EHMT1: variants seen among roughly 807,000 people sequenced by gnomAD.
The protein encoded by EHMT1 is euchromatic histone lysine methyltransferase 1.
In EHMT1, 15 loss-of-function variants were observed where a neutral mutation model predicts 147.2. The ratio of observed to expected loss-of-function variants is 0.10; its 90% CI spans 0.07 to 0.16. The LOEUF is 0.16. Ranked by LOEUF, EHMT1 falls within the 10% of genes least tolerant of loss-of-function variation. The probability of loss-of-function intolerance (pLI) is 1.00; values close to 1 mark genes in which losing one functional copy is unlikely to be tolerated. For missense variants in EHMT1, 1,587 were observed against 1,772.4 expected, an observed-to-expected ratio of 0.90 and a Z score of 1.88; for synonymous variants, 795 against 709.6, an observed-to-expected ratio of 1.12 and a Z score of -1.91.
chr9:137,833,655 C>G (rs1333342564), intron 25 of EHMT1, among the ~76,000 whole-genome samples: 1 of 152,262 alleles, frequency 6.6e-6, no homozygotes, highest in East Asian at 1.9e-4. Flanking sequence ...TCATCACAGG[C>G]CAGTGCCAGG....
chr9:137,751,809 A>G (rs1338578574), intron 6 of EHMT1, among the ~76,000 whole-genome samples: 1 of 152,160 alleles, frequency 6.6e-6, no homozygotes, highest in Non-Finnish European at 1.5e-5. Flanking sequence ...GTCTGCCTGG[A>G]TGTTCACTGG....
chr9:137,682,730 C>G (rs908915330), intron 1 of EHMT1, among the ~76,000 whole-genome samples: 1 of 152,210 alleles, frequency 6.6e-6, no homozygotes, highest in Admixed American at 6.5e-5. Flanking sequence ...GGGGTCATAT[C>G]CAACCCCCTG....
At chr9:137,795,427 A>ACACT (rs1281685652) in intron 16 of EHMT1, among the ~76,000 whole-genome samples, 1 of 12,144 alleles carries the variant, frequency 8.2e-5, no homozygotes, top group African/African-American at 2.4e-4. Context: ...ACACACACAC[A>ACACT]CTCTCACACT....
intron 1 of EHMT1, among the ~76,000 whole-genome samples, chr9:137,627,113 C>G (rs994560856): frequency 4.6e-5 from 7 of 152,142 alleles, no homozygotes; most frequent in African/African-American, 1.7e-4. Flanking sequence ...CGTGCGCCAC[C>G]ACGCTCGGCT....
chr9:137,737,194 A>G (rs866620379), intron 4 of EHMT1, among the ~76,000 whole-genome samples: 2 of 152,364 alleles, frequency 1.3e-5, no homozygotes, highest in Middle Eastern at 3.4e-3. Flanking sequence ...CCTAGGTGAC[A>G]GAGTGAGACA....
At position 137,729,709 on chromosome 9, in the gene EHMT1, C is replaced by G. The variant is rs556921329; in HGVS notation, c.823+1180C>G. Among the ~76,000 whole-genome samples the G allele has an allele frequency of 1.1e-4, 16 of 152,172 alleles. No homozygotes were observed. The South Asian group carries it at 3.3e-3, about 32-fold the overall frequency. ...CCACATGGCACAATCTCGCCCCCGG[C>G]CCCCCCATGTATTACTTTTTTTTCT... On this transcript the variant is annotated intron_variant, in intron 4 of 26. Transcript: ENST00000460843.
At chr9:137,718,740 CTCTTTTTCTTTT>C (rs566131576) in intron 3 of EHMT1, among the ~76,000 whole-genome samples, 8 of 149,300 alleles carry the variant, frequency 5.4e-5, no homozygotes, top group African/African-American at 7.6e-5. Context: ...TTAGTTCTCT[CTCTTTTTCTTTT>C]TCTTTTTCTT....
chr9:137,743,213 A>C, intron 4 of EHMT1, 158 bp from the exon 5 acceptor site: 1 of 760,852 alleles, frequency 1.3e-6, no homozygotes, highest in Non-Finnish European at 2.1e-6. Flanking sequence ...GATGCCTGTC[A>C]CTGTGCTGAT....
chr9:137,776,742 A>AGGT lies in EHMT1; in HGVS notation c.1918_1920dup (p.Val640dup), dbSNP rs762169757. On this transcript the variant is annotated inframe_insertion, in exon 12 of 27. Transcript: ENST00000460843. The surrounding 1 kb of genome is among the most constrained non-coding windows in gnomAD (Gnocchi z 4.4). ...GGGGAGGAGAGCTCCAAGGCCAAAG[A>AGGT]GGTGACGATAGCTAAAGCAGACACC... 1 of 1,614,044 alleles carries AGGT rather than the reference A, an allele frequency of 6.2e-7. No individual in the cohort carries two copies. Among genetic ancestry groups the AGGT allele is most frequent in the South Asian group, 1.1e-5 (1 of 91,068 alleles).
chr9:137,665,441 C>T (rs1939530473), intron 1 of EHMT1, among the ~76,000 whole-genome samples: 1 of 152,288 alleles, frequency 6.6e-6, no homozygotes, highest in East Asian at 1.9e-4. Context: ...CCCTGAGACC[C>T]AGCCCTGGTA....
chr9:137,774,078 C>T (rs899120690), intron 10 of EHMT1, among the ~76,000 whole-genome samples: 17 of 152,202 alleles, frequency 1.1e-4, no homozygotes, highest in Non-Finnish European at 2.1e-4. Context: ...CTGCTCCTTG[C>T]CTTGTGTGCA....
chr9:137,797,516 CT>C (rs1299433164), intron 16 of EHMT1, among the ~76,000 whole-genome samples: 2 of 152,342 alleles, frequency 1.3e-5, no homozygotes, highest in South Asian at 2.1e-4. Flanking sequence ...CTGTGACAGT[CT>C]GCCAGCAGTT....
At chr9:137,675,779 ATT>A (rs781380107) in intron 1 of EHMT1, among the ~76,000 whole-genome samples, 14 of 95,734 alleles carry the variant, frequency 1.5e-4, no homozygotes, top group Admixed American at 4.9e-4. Context: ...CGCCCGGCTA[ATT>A]TTTTTTTTTT....
chr9:137,812,994 T>C lies in EHMT1; in HGVS notation c.2868-12T>C. 1 of 1,614,050 alleles carries C rather than the reference T, an allele frequency of 6.2e-7. No homozygotes were observed. The highest frequency in any genetic ancestry group is 1.1e-5 in the South Asian group (1 of 91,082). ...CTTTAAATGTTTTGTGGCCTTACATTTTCCCTTTTAGCCTCTTTCTTTCTC... is the reference window on the plus strand; with the variant it reads ...CTTTAAATGTTTTGTGGCCTTACATCTTCCCTTTTAGCCTCTTTCTTTCTC... On this transcript the variant is annotated splice_polypyrimidine_tract_variant and intron_variant, in intron 19 of 26. Coordinates refer to ENST00000460843, the MANE Select transcript of EHMT1 (RefSeq NM_024757.5).
At chr9:137,754,059 A>C in intron 7 of EHMT1, 112 bp from the exon 8 acceptor site, 1 of 1,552,132 alleles carries the variant, frequency 6.4e-7, no homozygotes, top group Non-Finnish European at 8.9e-7. Flanking sequence ...CGTTTAATTG[A>C]AGATCAAGAC....
chr9:137,817,916 TG>T, intron 24 of EHMT1, 143 bp from the exon 25 acceptor site: 1 of 814,248 alleles, frequency 1.2e-6, no homozygotes, highest in Non-Finnish European at 2.1e-6. Flanking sequence ...AGTTCAACCC[TG>T]GGCACACCTC....
Position 137,786,908 on chromosome 9 carries a change from G to A in EHMT1, c.2383-3940G>A, listed in dbSNP as rs73578107. On this transcript the variant is annotated intron_variant, in intron 15 of 26. Coordinates refer to ENST00000460843, the MANE Select transcript of EHMT1 (RefSeq NM_024757.5). This position sits in a 1 kb window ranked among gnomAD's most constrained non-coding sequence, Gnocchi z 4.3. The stretch of plus-strand genomic sequence containing the variant: ...GGCTCCCAGGCTGGGGAGTGGCTCC[G>A]AGGATCGGTCACGGAGCCTCCTGGG... 0.024 allele frequency: 3,644 copies of A among 152,454 alleles called. 153 individuals carry two copies. Among genetic ancestry groups the A allele is most frequent in the African/African-American group, 0.079 (3,280 of 41,564 alleles). 9.4% of individuals were successfully genotyped at this position (152,454 alleles called of 1,614,324 possible).
intron 1 of EHMT1, among the ~76,000 whole-genome samples, chr9:137,675,508 G>A (rs920795175): frequency 7.2e-5 from 11 of 151,964 alleles, no homozygotes; most frequent in Admixed American, 5.2e-4. Flanking sequence ...CTGTTGCCCA[G>A]GCTGGAGTGC....
intron 25 of EHMT1, 30 bp from the exon 26 acceptor site, chr9:137,834,319 T>C: frequency 6.2e-7 from 1 of 1,609,088 alleles, no homozygotes; most frequent in Non-Finnish European, 8.5e-7. Context: ...CCTTGCTAAC[T>C]GCAGCCCGTG....
Sources: gnomAD v4.1 joint callset for allele counts (sites outside exome capture counted in the v4.1 genomes callset) on GRCh38, gnomAD v4.1.1 for gene constraint, Gnocchi (gnomAD v3.1) non-coding constraint, MANE v1.5 for transcripts, NCBI Gene and HGNC (gene_info 2026-07-23, HGNC 2026-07-21) for gene names.